GSE1: variants seen among roughly 807,000 people sequenced by gnomAD.
GSE1 encodes Gse1 coiled-coil protein, also known as genetic suppressor element 1.
Under a neutral mutation model 112.6 loss-of-function variants are expected in GSE1, and 32 were observed. The ratio of observed to expected loss-of-function variants is 0.28; its 90% CI spans 0.21 to 0.38. The LOEUF is 0.38. GSE1 is among the 10% of genes least tolerant of loss of function. The pLI, the probability that GSE1 is intolerant of heterozygous loss-of-function variation, is 1.00. For missense variants in GSE1, 2,348 were observed against 1,699.2 expected (o/e 1.38, Z -6.71); for synonymous variants, 1,115 against 735.6 (o/e 1.52, Z -8.35).
intron 1 of GSE1, among the ~76,000 whole-genome samples, chr16:85,323,745 G>A (rs2046166277): frequency 6.6e-6 from 1 of 152,206 alleles, no homozygotes; most frequent in Non-Finnish European, 1.5e-5. Flanking sequence ...CAGACACTTG[G>A]GGCCCCAGGC....
intron 1 of GSE1, among the ~76,000 whole-genome samples, chr16:85,260,652 C>T (rs1689690369): frequency 6.6e-6 from 1 of 152,242 alleles, no homozygotes; most frequent in African/African-American, 2.4e-5. Context: ...AGCGACTACT[C>T]TGGTAGGAGC....
At position 85,574,835 on chromosome 16, in the gene GSE1, G is replaced by C. The variant is rs542913894; in HGVS notation, c.37+18472G>C. Among the ~76,000 whole-genome samples, 58 of 152,324 alleles carry C rather than the reference G, an allele frequency of 3.8e-4. No individual in the cohort carries two copies. The East Asian group carries it at 8.7e-3, about 23-fold the overall frequency. On this transcript the variant is annotated intron_variant, in intron 1 of 2. Coordinates refer to the GSE1 transcript ENST00000635906. ...GTGGGAGGCAGCAGGCATCGGTCAC[G>C]GACCCTTGGGGGCTCCCTGCTGGAG...
intron 1 of GSE1, chr16:85,283,252 C>G (rs1459769516): frequency 6.5e-6 from 1 of 152,874 alleles, no homozygotes; most frequent in Non-Finnish European, 1.5e-5. Flanking sequence ...GCCCTTGTGC[C>G]TCCCGTGTCC....
intron 2 of GSE1, among the ~76,000 whole-genome samples, chr16:85,379,299 G>A (rs1328360151): frequency 6.6e-6 from 1 of 152,226 alleles, no homozygotes; most frequent in Non-Finnish European, 1.5e-5. Context: ...GCAGCTTCCA[G>A]AAAGGCAGAG....
At chr16:85,394,750 T>C (rs2047929077) in intron 2 of GSE1, among the ~76,000 whole-genome samples, 1 of 152,194 alleles carries the variant, frequency 6.6e-6, no homozygotes, top group Admixed American at 6.5e-5. Flanking sequence ...ACATCTCTTT[T>C]TCTACAGCAG....
At chr16:85,503,330 G>A (rs1272509256) in intron 2 of GSE1, among the ~76,000 whole-genome samples, 2 of 152,162 alleles carry the variant, frequency 1.3e-5, no homozygotes, top group Admixed American at 1.3e-4. Context: ...GAAGGGTGTG[G>A]GCAGGTGCAG....
intron 2 of GSE1, among the ~76,000 whole-genome samples, chr16:85,361,873 G>A (rs1278261749): frequency 1.3e-5 from 2 of 152,230 alleles, no homozygotes; most frequent in African/African-American, 4.8e-5. Context: ...TCCCGGGGCA[G>A]CCCACAGAGC....
At chr16:85,615,160 A>T (rs976105106) in intron 1 of GSE1, among the ~76,000 whole-genome samples, 1 of 152,206 alleles carries the variant, frequency 6.6e-6, no homozygotes, top group Non-Finnish European at 1.5e-5. Context: ...CTCCACCAGC[A>T]GGGACGGCAG....
intron 1 of GSE1, among the ~76,000 whole-genome samples, chr16:85,228,822 G>T (rs2075533469): frequency 6.6e-6 from 1 of 152,220 alleles, no homozygotes; most frequent in Non-Finnish European, 1.5e-5. Flanking sequence ...AAATTGTGCA[G>T]CAAGATTTGA....
intron 1 of GSE1, among the ~76,000 whole-genome samples, chr16:85,221,049 C>T (rs889717640): frequency 6.6e-5 from 10 of 151,728 alleles, no homozygotes; most frequent in Admixed American, 1.3e-4. Context: ...GCCCCCTCTC[C>T]GAGACCCTGC....
chr16:85,396,793 G>A (rs867387757), intron 2 of GSE1, among the ~76,000 whole-genome samples: 11 of 152,236 alleles, frequency 7.2e-5, no homozygotes, highest in African/African-American at 2.4e-4. Context: ...TCTGGGAAGC[G>A]CAGGTCAGGG....
intron 2 of GSE1, among the ~76,000 whole-genome samples, chr16:85,480,213 G>A (rs192806846): frequency 4.6e-5 from 7 of 152,336 alleles, no homozygotes; most frequent in Admixed American, 4.6e-4. Flanking sequence ...CAGGCAGTTT[G>A]GCTCCAGAAT....
In GSE1 at chr16:85,634,068, C is replaced by T. The variant is rs376074064; in HGVS notation, c.162C>T (p.Ala54=). The T allele has an allele frequency of 4.1e-4, 660 of 1,605,794 alleles. 4 individuals carry two copies. The highest frequency in any genetic ancestry group is 4.3e-4 in the Non-Finnish European group (510 of 1,176,700). Residue 54 remains alanine, a synonymous_variant, in exon 2 of 16, where the codon GCC becomes GCT. Coordinates refer to ENST00000253458, the MANE Select transcript of GSE1 (RefSeq NM_014615.5). ...CCAGCAGCGCGCTGTCGGCCCAGGC[C>T]GCGCCATCCTCCAGCTTTGCCGCCG... ...PATSSALSAQ[A]APSSSFAAAL...
intron 1 of GSE1, among the ~76,000 whole-genome samples, chr16:85,620,568 CGATCCACGCGGTCG>C (rs1453106407): frequency 1.3e-5 from 2 of 152,262 alleles, no homozygotes; most frequent in African/African-American, 4.8e-5. Context: ...CAGAGGCTGC[CGATCCACGCGGTCG>C]TCTCTGCCGC....
intron 1 of GSE1, among the ~76,000 whole-genome samples, chr16:85,557,602 C>G (rs2045300757): frequency 6.7e-6 from 1 of 150,062 alleles, no homozygotes; most frequent in African/African-American, 2.4e-5. Flanking sequence ...AAGATCCTGT[C>G]ACTTTTGCTG....
At chr16:85,341,437 C>T (rs1340669232) in intron 1 of GSE1, among the ~76,000 whole-genome samples, 2 of 152,202 alleles carry the variant, frequency 1.3e-5, no homozygotes, top group African/African-American at 4.8e-5. Flanking sequence ...TCGGGTGGAT[C>T]ACTTGAGGTT....
At chr16:85,379,099 C>T (rs991883994) in intron 2 of GSE1, among the ~76,000 whole-genome samples, 15 of 152,194 alleles carry the variant, frequency 9.9e-5, no homozygotes, top group African/African-American at 3.6e-4. Context: ...TGCCATCTCC[C>T]TGCACTCTCC....
intron 2 of GSE1, among the ~76,000 whole-genome samples, chr16:85,643,375 C>T (rs1354654345): frequency 6.6e-6 from 1 of 152,226 alleles, no homozygotes; most frequent in African/African-American, 2.4e-5. Flanking sequence ...TCGATCGAGG[C>T]TGAGCTGGCT....
chr16:85,642,724 C>A (rs2050543763), intron 2 of GSE1, among the ~76,000 whole-genome samples: 1 of 152,372 alleles, frequency 6.6e-6, no homozygotes. Context: ...CACCGTTCCC[C>A]TGAGCAGTTG....
Sources: gnomAD v4.1 joint callset for allele counts (sites outside exome capture counted in the v4.1 genomes callset) on GRCh38, gnomAD v4.1.1 for gene constraint, MANE v1.5 for transcripts, NCBI Gene and HGNC (gene_info 2026-07-23, HGNC 2026-07-21) for gene names.